NDUFC2: variants seen among roughly 807,000 people sequenced by gnomAD.
NDUFC2 encodes NADH:ubiquinone oxidoreductase subunit C2, also known as NADH dehydrogenase [ubiquinone] 1 subunit C2.
Under a neutral mutation model 10.1 loss-of-function variants are expected in NDUFC2, and 2 were observed. The observed-to-expected ratio is 0.20, with a 90% confidence interval of 0.08 to 0.62. NDUFC2 has a LOEUF of 0.62. NDUFC2 is among the 20% of genes least tolerant of loss of function. The probability of loss-of-function intolerance (pLI) is 0.87; values close to 1 mark genes in which losing one functional copy is unlikely to be tolerated. For missense variants in NDUFC2, 156 were observed against 159.6 expected, an observed-to-expected ratio of 0.98 and a Z score of 0.12; for synonymous variants, 61 against 63.6, an observed-to-expected ratio of 0.96 and a Z score of 0.20.
Position 78,073,492 on chromosome 11 carries a change from T to C in NDUFC2, c.167-351A>G, listed in dbSNP as rs7948042. 2.4e-3 allele frequency among the ~76,000 whole-genome samples: 346 copies of C among 145,596 alleles called. 3 individuals are homozygous for C. The highest frequency in any genetic ancestry group is 8.6e-3 in the African/African-American group (337 of 39,004). On this transcript the variant is annotated intron_variant, in intron 1 of 2. Transcript: ENST00000281031. ...GGGTGACAAAGCGCCTGGCCTGTTA[T>C]GGCATTTCTTAAAAAAATAAAAATA...
intron 1 of NDUFC2, among the ~76,000 whole-genome samples, chr11:78,076,276 G>T (rs781660616): frequency 2.0e-5 from 3 of 152,072 alleles, no homozygotes. Flanking sequence ...CGAGTAGCTG[G>T]GATTACAGGC....
chr11:78,071,584 G>C (rs1341375484), intron 2 of NDUFC2, among the ~76,000 whole-genome samples: 1 of 152,132 alleles, frequency 6.6e-6, no homozygotes, highest in Non-Finnish European at 1.5e-5. Flanking sequence ...AACTGTCGTA[G>C]TAGTTAAACT....
intron 2 of NDUFC2, among the ~76,000 whole-genome samples, chr11:78,070,323 G>T (rs1590774887): frequency 6.6e-6 from 1 of 152,110 alleles, no homozygotes; most frequent in Non-Finnish European, 1.5e-5. Context: ...CAGCAAGATG[G>T]CATCATCTAT....
In NDUFC2 at chr11:78,069,566, A is replaced by C. The variant is rs1858901100; in HGVS notation, c.*421T>G. On this transcript the variant is annotated 3_prime_UTR_variant, in exon 3 of 3. Coordinates refer to ENST00000281031, the MANE Select transcript of NDUFC2 (RefSeq NM_004549.6). Reference sequence around the variant, plus strand: ...CTTTGCACTAGGACAGGGGCAGGCAAACCTTTTCTGAAAGGGCTACATATT... The same window carrying C: ...CTTTGCACTAGGACAGGGGCAGGCACACCTTTTCTGAAAGGGCTACATATT... 2.9e-6 allele frequency: 1 copy of C among 341,478 alleles called. No homozygotes were observed. The highest frequency in any genetic ancestry group is 6.1e-5 in the South Asian group (1 of 16,272). The allele number at this position is 341,478 out of a possible 1,614,324, so 21.2% of individuals were successfully genotyped here.
chr11:78,079,547 C>G (rs899935749), intron 1 of NDUFC2, 32 bp downstream of exon 1: 1 of 1,546,640 alleles, frequency 6.5e-7, no homozygotes, highest in African/African-American at 1.4e-5. Flanking sequence ...ACCCCTTCTC[C>G]TCCCAGCCGA....
intron 2 of NDUFC2, 43 bp from the exon 3 acceptor site, chr11:78,070,079 T>C (rs533519109): frequency 7.2e-5 from 99 of 1,370,714 alleles, no homozygotes; most frequent in Non-Finnish European, 9.4e-5. Context: ...TAAAAATATG[T>C]TTTAAAAATT....
chr11:78,078,743 T>TTTTTTTTTTTTTTTTTTA (rs1859362696), intron 1 of NDUFC2, among the ~76,000 whole-genome samples: 3 of 142,910 alleles, frequency 2.1e-5, no homozygotes, highest in Non-Finnish European at 4.6e-5. Flanking sequence ...TTTTTTTTTT[T>TTTTTTTTTTTTTTTTTTA]GAGACAGGGT....
In NDUFC2 at chr11:78,073,677, C is replaced by A. The variant is rs142221320; in HGVS notation, c.167-536G>T. Among the ~76,000 whole-genome samples, 1,015 of 151,110 alleles carry A rather than the reference C, an allele frequency of 6.7e-3. 7 individuals are homozygous for A. The highest frequency in any genetic ancestry group is 0.01 in the Non-Finnish European group (703 of 67,874). ...ATCAGCCAGATGTGGTGGTGGGCAC[C>A]TGTAATCCCAACTACTTGGGTGGCT... On this transcript the variant is annotated intron_variant, in intron 1 of 2. Transcript: ENST00000281031.
In NDUFC2 at chr11:78,073,136, G is replaced by A. The variant is rs1306743145; in HGVS notation, c.172C>T (p.His58Tyr). The part of the protein sequence containing the change: ...RRRPIATAGL[H>Y]RQLLYITAFF... ...GCCGTAATATATAGAAGCTGGCGAT[G>A]CAAACCTGAAATTCAAATGACAAAT... Residue 58 changes from histidine (H) to tyrosine (Y), a missense_variant, in exon 2 of 3, where the codon CAT becomes TAT. Transcript: ENST00000281031. 2.5e-6 allele frequency: 4 copies of A among 1,611,292 alleles called. No homozygotes were observed. The Admixed American group carries it at 6.8e-5, about 27-fold the overall frequency.
At position 78,079,664 on chromosome 11, in the gene NDUFC2, G is replaced by C; in HGVS notation, c.81C>G (p.Asp27Glu). The C allele has an allele frequency of 6.2e-7, 1 of 1,606,958 alleles. No homozygotes were observed. Among genetic ancestry groups the C allele is most frequent in the Middle Eastern group, 1.7e-4 (1 of 5,926 alleles). The change falls in exon 1 of 3, where the codon GAC (aspartate) becomes GAG (glutamate). Residue 27 changes from aspartate (D) to glutamate (E), a missense_variant. Transcript: ENST00000281031. The stretch of plus-strand genomic sequence containing the variant: ...AGAAGCCGATGTAGAGGAGCCGCGG[G>C]TCGGTCAGCTTGGGCGGGGGCAGGC... The part of the protein sequence containing the change: ...ARSLPPPKLT[D>E]PRLLYIGFLG...
At position 78,069,159 on chromosome 11, in the gene NDUFC2, G is replaced by T. The variant is rs143014598; in HGVS notation, c.*828C>A. On this transcript the variant is annotated 3_prime_UTR_variant, in exon 3 of 3. Transcript: ENST00000281031. Reference sequence around the variant, plus strand: ...CCTGCCTCAGCCTCTCAAAGTGCTGGGATTACAGGCATGAGCCACTGCATC... The same window carrying T: ...CCTGCCTCAGCCTCTCAAAGTGCTGTGATTACAGGCATGAGCCACTGCATC... 7.9e-5 allele frequency: 12 copies of T among 152,278 alleles called. No individual in the cohort carries two copies. The highest frequency in any genetic ancestry group is 2.1e-4 in the South Asian group (1 of 4,816). 9.4% of individuals were successfully genotyped at this position (152,278 alleles called of 1,614,324 possible). A position where few individuals can be genotyped will look rare whatever the true frequency, so the allele number is the denominator to read the frequency against.
Position 78,079,563 on chromosome 11 carries a change from G to A in NDUFC2, c.166+16C>T, listed in dbSNP as rs919814504. On this transcript the variant is annotated intron_variant, in intron 1 of 2. Coordinates refer to ENST00000281031, the MANE Select transcript of NDUFC2 (RefSeq NM_004549.6). ...CCCCTTCTCCTCCCAGCCGATCCCG[G>A]CCGCGCAGCACTCACCAGCCGTCGC... 1 of 1,547,894 alleles carries A rather than the reference G, an allele frequency of 6.5e-7. No individual in the cohort carries two copies. The highest frequency in any genetic ancestry group is 8.7e-7 in the Non-Finnish European group (1 of 1,146,204).
intron 1 of NDUFC2, among the ~76,000 whole-genome samples, chr11:78,076,156 T>C (rs1034160620): frequency 6.6e-6 from 1 of 152,300 alleles, no homozygotes; most frequent in South Asian, 2.1e-4. Context: ...TTTTTTTTTT[T>C]TTAAAGACAG....
intron 1 of NDUFC2, among the ~76,000 whole-genome samples, chr11:78,076,974 C>T (rs1285280644): frequency 6.6e-6 from 1 of 152,166 alleles, no homozygotes; most frequent in Admixed American, 6.5e-5. Flanking sequence ...TCACTAGGAG[C>T]TCCATAGGGC....
In NDUFC2 at chr11:78,069,792, A is replaced by G. The variant is rs560992916; in HGVS notation, c.*195T>C. 4 of 1,298,310 alleles carry G rather than the reference A, an allele frequency of 3.1e-6. No individual in the cohort carries two copies. The African/African-American group carries it at 5.9e-5, about 19-fold the overall frequency. The allele number at this position is 1,298,310 out of a possible 1,614,324, so 80.4% of individuals were successfully genotyped here. A position where few individuals can be genotyped will look rare whatever the true frequency, so the allele number is the denominator to read the frequency against. On this transcript the variant is annotated 3_prime_UTR_variant, in exon 3 of 3. Coordinates refer to ENST00000281031, the MANE Select transcript of NDUFC2 (RefSeq NM_004549.6). The stretch of plus-strand genomic sequence containing the variant: ...ATCTTAAAATCTTTCAGATGGGTGA[A>G]TGGAAACTGACCATTCTCTGATGAT...
intron 2 of NDUFC2, 169 bp downstream of exon 2, chr11:78,072,829 G>A: frequency 1.1e-6 from 1 of 948,380 alleles, no homozygotes; most frequent in East Asian, 2.6e-5. Context: ...AAAGGACACG[G>A]AGGTAGTCAG....
At chr11:78,076,574 T>G (rs1859261695) in intron 1 of NDUFC2, among the ~76,000 whole-genome samples, 2 of 152,262 alleles carry the variant, frequency 1.3e-5, no homozygotes, top group South Asian at 4.1e-4. Context: ...CCAAAGCAAT[T>G]TAGGGAAGCT....
chr11:78,071,377 C>T (rs1381369534), intron 2 of NDUFC2, among the ~76,000 whole-genome samples: 1 of 151,810 alleles, frequency 6.6e-6, no homozygotes, highest in Non-Finnish European at 1.5e-5. Context: ...CTGCCTCAGC[C>T]TCCCAAGTCA....
In NDUFC2 at chr11:78,070,000, T is replaced by C. The variant is rs1858925719; in HGVS notation, c.347A>G (p.His116Arg). Residue 116 changes from histidine (H) to arginine (R), a missense_variant, in exon 3 of 3, where the codon CAT (histidine) becomes CGT (arginine). By Grantham distance (29) the His-to-Arg change is conservative. Coordinates refer to ENST00000281031, the MANE Select transcript of NDUFC2 (RefSeq NM_004549.6). ...ATTTTGAAGACTTCAACGTATTGGA[T>C]GGAATTTTTCAAAAATTTCACCATA... Reference protein sequence around the residue: ...KTYGEIFEKFHPIR With the variant: ...KTYGEIFEKFRPIR 6.2e-7 allele frequency: 1 copy of C among 1,607,988 alleles called. No individual in the cohort carries two copies. Among genetic ancestry groups the C allele is most frequent in the African/African-American group, 1.3e-5 (1 of 74,922 alleles).
Sources: gnomAD v4.1 joint callset for allele counts (sites outside exome capture counted in the v4.1 genomes callset) on GRCh38, gnomAD v4.1.1 for gene constraint, MANE v1.5 for transcripts, NCBI Gene and HGNC (gene_info 2026-07-23, HGNC 2026-07-21) for gene names.